Variants in ERGIC2 observed in about 807,000 individuals in gnomAD.
ERGIC2 encodes endoplasmic reticulum-Golgi intermediate compartment protein 2.
Under a neutral mutation model 52.5 loss-of-function variants are expected in ERGIC2, and 31 were observed. That is an observed-to-expected ratio of 0.59 (90% CI 0.44 to 0.80). The LOEUF is 0.80. ERGIC2 is among the 30% of genes least tolerant of loss of function. The pLI is 0.00. For missense variants in ERGIC2, 395 were observed against 455.2 expected (o/e 0.87, Z 1.20); for synonymous variants, 129 against 140.6 (o/e 0.92, Z 0.58).
Position 29,345,249 on chromosome 12 carries a change from T to C in ERGIC2, c.825+194A>G, listed in dbSNP as rs1305689706. On this transcript the variant is annotated intron_variant, in intron 11 of 13. Transcript: ENST00000360150. ...TTTTTTAAATATCTACTTTTATTGC[T>C]TTAGAATATACTAATATTCATTTCT... is the stretch of plus-strand genomic sequence containing the variant. Among the ~76,000 whole-genome samples the C allele has an allele frequency of 2.6e-5, 4 of 152,238 alleles. No homozygotes were observed. The East Asian group carries it at 5.8e-4, about 22-fold the overall frequency.
chr12:29,370,923 A>G (rs1387840002), intron 2 of ERGIC2, among the ~76,000 whole-genome samples: 1 of 152,152 alleles, frequency 6.6e-6, no homozygotes, highest in African/African-American at 2.4e-5. Flanking sequence ...ATTTTCATTA[A>G]CAAAACTTAA....
At chr12:29,353,831 G>A (rs866171498) in intron 8 of ERGIC2, among the ~76,000 whole-genome samples, 1 of 151,830 alleles carries the variant, frequency 6.6e-6, no homozygotes, top group South Asian at 2.1e-4. Flanking sequence ...AATCACCCTA[G>A]TACAGATGAC....
At chr12:29,370,277 G>A (rs1940423762) in intron 2 of ERGIC2, 55 bp from the exon 3 acceptor site, 1 of 1,471,832 alleles carries the variant, frequency 6.8e-7, no homozygotes, top group Non-Finnish European at 8.9e-7. Flanking sequence ...AAAAAGCAAA[G>A]AATAGGAAAC....
rs766168017 is a variant in ERGIC2, at chr12:29,344,472, T to G, written c.825+971A>C. Among the ~76,000 whole-genome samples, 85 of 152,250 alleles carry G rather than the reference T, an allele frequency of 5.6e-4. 1 individual carries two copies. Among genetic ancestry groups the G allele is most frequent in the Admixed American group, 9.2e-4 (14 of 15,288 alleles). ...CAGGTGAGAAATGGAATCTCCCTAC[T>G]CCTTAAAGAAATGTTGAAAAGCACA... On this transcript the variant is annotated intron_variant, in intron 11 of 13. Transcript: ENST00000360150.
At chr12:29,366,773 T>G (rs1940368193) in intron 5 of ERGIC2, 104 bp downstream of exon 5, 2 of 586,636 alleles carry the variant, frequency 3.4e-6, no homozygotes, top group Admixed American at 3.7e-5. Flanking sequence ...AATAAAAGAA[T>G]TATACTAAAA....
intron 2 of ERGIC2, 57 bp downstream of exon 2, chr12:29,371,471 C>T (rs971381040): frequency 9.9e-6 from 11 of 1,113,580 alleles, no homozygotes; most frequent in East Asian, 5.0e-5. Flanking sequence ...ATGTTGTTGA[C>T]TGGATCACGC....
intron 10 of ERGIC2, among the ~76,000 whole-genome samples, chr12:29,347,730 T>G (rs1007932881): frequency 1.3e-5 from 2 of 152,064 alleles, no homozygotes; most frequent in African/African-American, 4.8e-5. Context: ...GTAATGTTGA[T>G]TTTTTTCTTT....
At chr12:29,351,365 G>A (rs1405896802) in intron 8 of ERGIC2, among the ~76,000 whole-genome samples, 2 of 152,124 alleles carry the variant, frequency 1.3e-5, no homozygotes, top group African/African-American at 2.4e-5. Flanking sequence ...ACATATACCA[G>A]ATTCCACTTT....
At position 29,360,292 on chromosome 12, in the gene ERGIC2, T is replaced by A. The variant is rs1014615876; in HGVS notation, c.374+1353A>T. 7.2e-5 allele frequency among the ~76,000 whole-genome samples: 11 copies of A among 151,910 alleles called. No individual in the cohort carries two copies. The East Asian group carries it at 2.1e-3, about 29-fold the overall frequency. ...TCAAGAATGTTCATTGAGTATTGTT[T>A]TTAATATTAGAATTCTAAAAGCAAT... On this transcript the variant is annotated intron_variant, in intron 6 of 13. Transcript: ENST00000360150.
chr12:29,366,800 C>A, intron 5 of ERGIC2, 77 bp downstream of exon 5: 1 of 748,012 alleles, frequency 1.3e-6, no homozygotes, highest in Non-Finnish European at 2.1e-6. Context: ...TCAGACAAAA[C>A]TAAAAGCAAC....
intron 1 of ERGIC2, chr12:29,380,567 A>C (rs1940574570): frequency 6.6e-6 from 1 of 152,332 alleles, no homozygotes; most frequent in Admixed American, 6.5e-5. Context: ...AAGTAGTGAC[A>C]GTCGAACCTG....
At chr12:29,358,710 A>G (rs571801579) in intron 6 of ERGIC2, among the ~76,000 whole-genome samples, 68 of 152,268 alleles carry the variant, frequency 4.5e-4, no homozygotes, top group African/African-American at 1.5e-3. Flanking sequence ...TAACTTGGAA[A>G]AAAGTTATAA....
chr12:29,340,807 G>A lies in ERGIC2; in HGVS notation c.*349C>T. 2.3e-6 allele frequency: 1 copy of A among 430,782 alleles called. No homozygotes were observed. Among genetic ancestry groups the A allele is most frequent in the Non-Finnish European group, 4.5e-6 (1 of 223,558 alleles). 26.7% of individuals were successfully genotyped at this position (430,782 alleles called of 1,614,324 possible). A position where few individuals can be genotyped will look rare whatever the true frequency, so the allele number is the denominator to read the frequency against. Reference sequence around the variant, plus strand: ...TCTCAATGTTTTTTTTTTTCCCATAGATGTAGTTTCACTTATTTCCTTCAG... The same window carrying A: ...TCTCAATGTTTTTTTTTTTCCCATAAATGTAGTTTCACTTATTTCCTTCAG... On this transcript the variant is annotated 3_prime_UTR_variant, in exon 14 of 14. Transcript: ENST00000360150.
chr12:29,361,821 A>G (rs1940290869), intron 5 of ERGIC2, 136 bp from the exon 6 acceptor site: 1 of 543,930 alleles, frequency 1.8e-6, no homozygotes, highest in Admixed American at 3.4e-5. Context: ...TTTACATTCA[A>G]CTTCTATAAG....
chr12:29,350,018 T>C lies in ERGIC2; in HGVS notation c.623A>G (p.His208Arg). 6.2e-7 allele frequency: 1 copy of C among 1,601,546 alleles called. No individual in the cohort carries two copies. ...GHAHLAALVN[H>R]ESYNFSHRID... ...AAAAGTCAGAATCTGCTTACATTCA[T>C]GGTTGACAAGTGCTGCCAAATGTGC... Residue 208 changes from histidine (H) to arginine (R), a missense_variant, in exon 9 of 14, where the codon CAT (histidine) becomes CGT (arginine). His to Arg is a conservative substitution (Grantham distance 29). Transcript: ENST00000360150.
chr12:29,366,420 T>C (rs1940363268), intron 5 of ERGIC2, among the ~76,000 whole-genome samples: 1 of 151,908 alleles, frequency 6.6e-6, no homozygotes, highest in African/African-American at 2.4e-5. Flanking sequence ...CCATGACATT[T>C]CTCCTCTTAG....
Position 29,359,122 on chromosome 12 carries a change from T to C in ERGIC2, c.375-1398A>G, listed in dbSNP as rs955953830. Among the ~76,000 whole-genome samples the C allele has an allele frequency of 2.0e-5, 3 of 151,768 alleles. No homozygotes were observed. The South Asian group carries it at 6.2e-4, about 32-fold the overall frequency. On this transcript the variant is annotated intron_variant, in intron 6 of 13. Transcript: ENST00000360150. ...ACATTAGTTAGGAAGATATCTACCT[T>C]GGGTATCTCTAGGCCATTCAAGAGC... is the stretch of plus-strand genomic sequence containing the variant.
In ERGIC2 at chr12:29,361,459, A is replaced by C. The variant is rs1371830975; in HGVS notation, c.374+186T>G. Among the ~76,000 whole-genome samples the C allele has an allele frequency of 2.0e-5, 3 of 152,206 alleles. No homozygotes were observed. In the South Asian group the frequency reaches 6.2e-4, roughly 31 times the overall value. Reference sequence around the variant, plus strand: ...TATGAATCAAAGTTTACCAGAGAAAAGATTATGCATGACTTTCTTAAGATC... The same window carrying C: ...TATGAATCAAAGTTTACCAGAGAAACGATTATGCATGACTTTCTTAAGATC... On this transcript the variant is annotated intron_variant, in intron 6 of 13. Coordinates refer to ENST00000360150, the MANE Select transcript of ERGIC2 (RefSeq NM_016570.3).
intron 10 of ERGIC2, among the ~76,000 whole-genome samples, chr12:29,346,780 C>T (rs1020612315): frequency 7.2e-5 from 11 of 152,114 alleles, no homozygotes; most frequent in Non-Finnish European, 1.5e-4. Context: ...TTACCAATTA[C>T]TAATTAACTG....
Sources: allele counts gnomAD v4.1 joint callset (sites outside exome capture counted in the v4.1 genomes callset), GRCh38; gene constraint gnomAD v4.1.1; transcripts MANE v1.5; gene names NCBI Gene and HGNC (gene_info 2026-07-23, HGNC 2026-07-21).